The following ECH1 variants were observed in gnomAD, a reference collection of about 807,000 sequenced individuals.
ECH1 encodes the protein delta(3,5)-Delta(2,4)-dienoyl-CoA isomerase, mitochondrial.
ECH1 carries 30 observed loss-of-function variants against 37.0 expected under a neutral mutation model. The observed-to-expected ratio is 0.81, with a 90% confidence interval of 0.61 to 1.10. The LOEUF (loss-of-function observed/expected upper bound fraction) is 1.10. ECH1 is among the 50% of genes least tolerant of loss of function. The pLI, the probability that ECH1 is intolerant of heterozygous loss-of-function variation, is 0.00. For synonymous variants in ECH1, 178 were observed against 176.0 expected, an observed-to-expected ratio of 1.01 and a Z score of -0.09; for missense variants, 456 against 441.6, an observed-to-expected ratio of 1.03 and a Z score of -0.29.
At chr19:38,829,448 G>A (rs750526489) in intron 3 of ECH1, among the ~76,000 whole-genome samples, 33 of 145,948 alleles carry the variant, frequency 2.3e-4, no homozygotes, top group African/African-American at 6.4e-4. Context: ...GTGACAAAGC[G>A]AGACTCTGTC....
intron 3 of ECH1, among the ~76,000 whole-genome samples, chr19:38,827,275 C>T (rs1466861023): frequency 6.6e-6 from 1 of 152,204 alleles, no homozygotes. Flanking sequence ...ACTGGGTTCC[C>T]AGCACCAGGC....
chr19:38,826,668 C>G (rs1971743461), intron 3 of ECH1, among the ~76,000 whole-genome samples: 1 of 152,202 alleles, frequency 6.6e-6, no homozygotes, highest in South Asian at 2.1e-4. Context: ...TTCCCCTACA[C>G]TCTGACTCCC....
rs752522048 is a variant in ECH1 at position 38,831,130 on chromosome 19, GTC to G, written c.295_296del (p.Asp99ArgfsTer2). ...MVECFNKISR[D>X]ADCRAVVISG... ...AGATCACCACCGCCCGACAGTCAGC[GTC>G]TCTCGAAATCTTGTTGAAGCACTCT... On this transcript the variant is annotated frameshift_variant, in exon 3 of 10. Transcript: ENST00000221418. LOFTEE classifies it high-confidence loss of function. 1.2e-6 allele frequency: 2 copies of G among 1,613,878 alleles called. No homozygotes were observed. The highest frequency in any genetic ancestry group is 1.7e-5 in the Admixed American group (1 of 59,990).
At chr19:38,826,158 G>A (rs8112471) in intron 3 of ECH1, among the ~76,000 whole-genome samples, 11,016 of 152,246 alleles carry the variant, frequency 0.072, 1,158 homozygotes, top group African/African-American at 0.24. Context: ...TATTATGCCT[G>A]AAAGTTCCAC....
intron 3 of ECH1, chr19:38,820,534 G>C (rs1971646979): frequency 3.3e-5 from 5 of 152,106 alleles, no homozygotes; most frequent in Admixed American, 2.6e-4. Context: ...CTTTAAATGG[G>C]GCTTATAGCA....
intron 3 of ECH1, chr19:38,818,132 A>T: frequency 1.3e-6 from 1 of 785,864 alleles, no homozygotes; most frequent in Non-Finnish European, 1.5e-6. Context: ...CACTGGGATT[A>T]CACGTGTGAG....
At chr19:38,826,971 A>G (rs541358194) in intron 3 of ECH1, among the ~76,000 whole-genome samples, 7 of 151,856 alleles carry the variant, frequency 4.6e-5, no homozygotes, top group African/African-American at 1.7e-4. Context: ...AGCAGGTCAA[A>G]TATCTAGGCC....
At chr19:38,819,618 T>C (rs1490716377) in intron 3 of ECH1, among the ~76,000 whole-genome samples, 2 of 152,094 alleles carry the variant, frequency 1.3e-5, no homozygotes, top group East Asian at 3.9e-4. Flanking sequence ...CAACAGTCCC[T>C]GTCCTCATGG....
At position 38,816,330 on chromosome 19, in the gene ECH1, C is replaced by A. The variant is rs764029520; in HGVS notation, c.685G>T (p.Ala229Ser). ...QSLVNELAFT[A>S]RKMMADEALG... is the part of the protein sequence containing the mutation. ...GCCTCGTCAGCCATCATCTTGCGGGCGGTGAAGGCCAGCTCGTTGACCAGG... is the reference window on the plus strand; with the variant it reads ...GCCTCGTCAGCCATCATCTTGCGGGAGGTGAAGGCCAGCTCGTTGACCAGG... The change falls in exon 8 of 10, where the codon GCC (alanine) becomes TCC (serine). Residue 229 changes from alanine (A) to serine (S), a missense_variant. By Grantham distance (99) the Ala-to-Ser change is moderately conservative (BLOSUM62 1). Transcript: ENST00000221418. 3 of 1,613,776 alleles carry A rather than the reference C, an allele frequency of 1.9e-6. No individual in the cohort carries two copies. Among genetic ancestry groups the A allele is most frequent in the South Asian group, 2.2e-5 (2 of 91,062 alleles).
In ECH1 at chr19:38,815,501, T is replaced by C; in HGVS notation, c.*112A>G. Reference sequence around the variant, plus strand: ...AACTCATTGTCATAAAGTTATAAACTGGGAAACTGGGTCAGAAGGCATAGA... The same window carrying C: ...AACTCATTGTCATAAAGTTATAAACCGGGAAACTGGGTCAGAAGGCATAGA... On this transcript the variant is annotated 3_prime_UTR_variant, in exon 10 of 10. Coordinates refer to ENST00000221418, the MANE Select transcript of ECH1 (RefSeq NM_001398.3). 4 of 994,484 alleles carry C rather than the reference T, an allele frequency of 4.0e-6. No individual in the cohort carries two copies. Among genetic ancestry groups the C allele is most frequent in the Non-Finnish European group, 6.2e-6 (4 of 648,604 alleles). The allele number at this position is 994,484 out of a possible 1,614,324, so 61.6% of individuals were successfully genotyped here.
At chr19:38,823,643 G>T (rs534724504) in intron 3 of ECH1, among the ~76,000 whole-genome samples, 1 of 152,106 alleles carries the variant, frequency 6.6e-6, no homozygotes, top group Admixed American at 6.5e-5. Flanking sequence ...GCCGAGGGTC[G>T]ACAGAGAGGA....
chr19:38,824,044 C>G (rs1971703264), intron 3 of ECH1, among the ~76,000 whole-genome samples: 1 of 152,124 alleles, frequency 6.6e-6, no homozygotes. Flanking sequence ...ATTCCTGAAG[C>G]TAGGATATGG....
rs1316978675 is a variant in ECH1, at chr19:38,817,431, C to A, written c.474+20G>T. The stretch of plus-strand genomic sequence containing the variant: ...GGAGGCGCGTATGGAGAAAGATCCC[C>A]TCCAGACCCCTAGAGTCACCCTCTC... On this transcript the variant is annotated intron_variant, in intron 4 of 9. Transcript: ENST00000221418. The A allele has an allele frequency of 1.2e-6, 2 of 1,612,398 alleles. No homozygotes were observed. Among genetic ancestry groups the A allele is most frequent in the East Asian group, 2.2e-5 (1 of 44,858 alleles).
In ECH1 at chr19:38,831,529, GA is replaced by G; in HGVS notation, c.53-14del. 1 of 1,609,734 alleles carries G rather than the reference GA, an allele frequency of 6.2e-7. No homozygotes were observed. On this transcript the variant is annotated splice_polypyrimidine_tract_variant and intron_variant, in intron 1 of 9. Coordinates refer to ENST00000221418, the MANE Select transcript of ECH1 (RefSeq NM_001398.3). ...GAGCCTGTCAGTCCTGGGGAGAAAG[GA>G]ACAGCCTTTGATGACCCCAGACTGC...
intron 3 of ECH1, among the ~76,000 whole-genome samples, chr19:38,823,420 C>T (rs1264772413): frequency 6.6e-6 from 1 of 152,194 alleles, no homozygotes; most frequent in Non-Finnish European, 1.5e-5. Flanking sequence ...GGACCCCTTT[C>T]ACTTGCTATT....
chr19:38,820,540 T>C (rs1971647017), intron 3 of ECH1: 1 of 152,238 alleles, frequency 6.6e-6, no homozygotes, highest in South Asian at 2.1e-4. Context: ...ATGGGGCTTA[T>C]AGCAGAACCT....
intron 1 of ECH1, 87 bp from the exon 2 acceptor site, chr19:38,831,603 G>T: frequency 1.3e-6 from 2 of 1,550,000 alleles, no homozygotes; most frequent in Non-Finnish European, 8.8e-7. Context: ...GGGAGCACAC[G>T]CACCCCTGAA....
At chr19:38,824,257 G>A (rs145325552) in intron 3 of ECH1, among the ~76,000 whole-genome samples, 129 of 152,242 alleles carry the variant, frequency 8.5e-4, no homozygotes, top group African/African-American at 3.0e-3. Flanking sequence ...AGAATGCGTC[G>A]GTAAGGGCCA....
chr19:38,828,182 C>T (rs779811561), intron 3 of ECH1, among the ~76,000 whole-genome samples: 2 of 152,170 alleles, frequency 1.3e-5, no homozygotes, highest in Non-Finnish European at 2.9e-5. Context: ...ATCCCAATAT[C>T]CAAGAAACAA....
Sources: allele counts gnomAD v4.1 joint callset (sites outside exome capture counted in the v4.1 genomes callset), GRCh38; gene constraint gnomAD v4.1.1; transcripts MANE v1.5; gene names NCBI Gene and HGNC (gene_info 2026-07-23, HGNC 2026-07-21).